KCNH8: variants seen among roughly 807,000 people sequenced by gnomAD.
The protein encoded by KCNH8 is potassium voltage-gated channel subfamily H member 8.
KCNH8 carries 70 observed loss-of-function variants against 103.6 expected under a neutral mutation model. The observed-to-expected ratio is 0.68, with a 90% CI of 0.56 to 0.82. KCNH8 has a LOEUF of 0.82. Ranked by LOEUF, KCNH8 falls within the 40% of genes least tolerant of loss-of-function variation. KCNH8 has a pLI of 0.00. For synonymous variants in KCNH8, 498 were observed against 489.4 expected (o/e 1.02, Z -0.23); for missense variants, 1,217 against 1,329.9 (o/e 0.92, Z 1.32).
At chr3:19,472,630 G>T (rs180792701) in intron 11 of KCNH8, among the ~76,000 whole-genome samples, 49 of 152,218 alleles carry the variant, frequency 3.2e-4, no homozygotes, top group Admixed American at 1.8e-3. Flanking sequence ...TTTGTAAGTT[G>T]CCCAGTCTCA....
At chr3:19,151,299 A>G (rs769411454) in intron 1 of KCNH8, among the ~76,000 whole-genome samples, 1 of 152,200 alleles carries the variant, frequency 6.6e-6, no homozygotes, top group Non-Finnish European at 1.5e-5. Flanking sequence ...TTTTAAATTT[A>G]CAAAATTGCC....
At chr3:19,463,800 G>T (rs1040262717) in intron 11 of KCNH8, among the ~76,000 whole-genome samples, 1 of 152,030 alleles carries the variant, frequency 6.6e-6, no homozygotes, top group Non-Finnish European at 1.5e-5. Context: ...GTTCATTGTA[G>T]CTCTGCTTAT....
chr3:19,474,012 T>C (rs528668385), intron 11 of KCNH8, among the ~76,000 whole-genome samples: 1 of 152,146 alleles, frequency 6.6e-6, no homozygotes, highest in East Asian at 1.9e-4. Flanking sequence ...ATTTCACTGT[T>C]TGAGGCTGTG....
chr3:19,232,826 C>T (rs1351315026), intron 1 of KCNH8, among the ~76,000 whole-genome samples: 1 of 152,150 alleles, frequency 6.6e-6, no homozygotes, highest in Admixed American at 6.5e-5. Context: ...CGTGTAGCTA[C>T]AGGTCTCAGA....
chr3:19,201,529 G>A (rs943090379), intron 1 of KCNH8, among the ~76,000 whole-genome samples: 10 of 152,162 alleles, frequency 6.6e-5, no homozygotes, highest in African/African-American at 1.7e-4. Context: ...GTGACAGAGT[G>A]GGGGAACTTG....
At chr3:19,501,663 CA>C (rs1160068754) in intron 11 of KCNH8, among the ~76,000 whole-genome samples, 1 of 152,066 alleles carries the variant, frequency 6.6e-6, no homozygotes, top group Non-Finnish European at 1.5e-5. Flanking sequence ...TAAACAGAAC[CA>C]AAGACAAAAA....
intron 2 of KCNH8, among the ~76,000 whole-genome samples, chr3:19,256,478 G>A (rs1330515466): frequency 2.0e-5 from 3 of 152,230 alleles, no homozygotes; most frequent in Non-Finnish European, 4.4e-5. Flanking sequence ...TGCTGAGAAT[G>A]CAGACTGGCA....
chr3:19,220,045 G>A (rs11919491), intron 1 of KCNH8, among the ~76,000 whole-genome samples: 1,528 of 152,186 alleles, frequency 0.01, 28 homozygotes, highest in African/African-American at 0.034. Flanking sequence ...TGGTTCTCTC[G>A]TAGCCAATGT....
At chr3:19,191,175 TC>T (rs1378822250) in intron 1 of KCNH8, among the ~76,000 whole-genome samples, 1 of 151,798 alleles carries the variant, frequency 6.6e-6, no homozygotes, top group Non-Finnish European at 1.5e-5. Flanking sequence ...TGTGTGTACT[TC>T]CACAAGATAG....
rs948070235 is a variant in KCNH8 at position 19,359,030 on chromosome 3, C to G, written c.811+11065C>G. Reference sequence around the variant, plus strand: ...AAGATGAAAAATAACAGCAGTAAATCAAGATATATGACAAATATTCAAATG... The same window carrying G: ...AAGATGAAAAATAACAGCAGTAAATGAAGATATATGACAAATATTCAAATG... On this transcript the variant is annotated intron_variant, in intron 5 of 15. Transcript: ENST00000328405. Among the ~76,000 whole-genome samples, 6 of 151,742 alleles carry G rather than the reference C, an allele frequency of 4.0e-5. No individual in the cohort carries two copies. In the East Asian group the frequency reaches 1.2e-3, roughly 29 times the overall value.
intron 5 of KCNH8, among the ~76,000 whole-genome samples, chr3:19,371,026 T>G (rs1490234092): frequency 6.6e-6 from 1 of 152,284 alleles, no homozygotes; most frequent in Non-Finnish European, 1.5e-5. Context: ...ACATTTGGGT[T>G]GGTTCCAAGT....
At chr3:19,246,538 G>T (rs2064209345) in intron 1 of KCNH8, among the ~76,000 whole-genome samples, 1 of 152,006 alleles carries the variant, frequency 6.6e-6, no homozygotes, top group Non-Finnish European at 1.5e-5. Flanking sequence ...GCCTCCCAAA[G>T]TGCTGGGATT....
At chr3:19,502,772 C>G (rs1443904766) in intron 11 of KCNH8, among the ~76,000 whole-genome samples, 18 of 148,184 alleles carry the variant, frequency 1.2e-4, no homozygotes, top group African/African-American at 4.0e-4. Context: ...ATACAAAAAT[C>G]AATTCAAGAT....
In KCNH8 at chr3:19,277,998, A is replaced by G. The variant is rs1463232085; in HGVS notation, c.311-3200A>G. On this transcript the variant is annotated intron_variant, in intron 2 of 15. Coordinates refer to ENST00000328405, the MANE Select transcript of KCNH8 (RefSeq NM_144633.3). ...ACTTGCAGCCTCCCACCTTAACCCTAAGAGAGATTTGTTGCACTGGGCCTG... is the reference window on the plus strand; with the variant it reads ...ACTTGCAGCCTCCCACCTTAACCCTGAGAGAGATTTGTTGCACTGGGCCTG... Among the ~76,000 whole-genome samples, 3 of 152,084 alleles carry G rather than the reference A, an allele frequency of 2.0e-5. No individual in the cohort carries two copies. The East Asian group carries it at 5.8e-4, about 29-fold the overall frequency.
chr3:19,488,361 G>T (rs567086078), intron 11 of KCNH8, among the ~76,000 whole-genome samples: 2 of 152,182 alleles, frequency 1.3e-5, no homozygotes, highest in African/African-American at 2.4e-5. Context: ...TTTCTCAGCG[G>T]CTTGTTGCAT....
At chr3:19,532,249 T>C (rs1329463322) in intron 15 of KCNH8, among the ~76,000 whole-genome samples, 14 of 152,206 alleles carry the variant, frequency 9.2e-5, no homozygotes, top group Non-Finnish European at 2.1e-4. Context: ...ATGTCTCACC[T>C]AGAAAACTGA....
At chr3:19,530,910 C>G (rs2069149009) in intron 15 of KCNH8, among the ~76,000 whole-genome samples, 1 of 152,178 alleles carries the variant, frequency 6.6e-6, no homozygotes, top group African/African-American at 2.4e-5. Flanking sequence ...AGTCTTATTG[C>G]TCCCATTTTA....
At chr3:19,461,370 C>A (rs1575092748) in intron 11 of KCNH8, among the ~76,000 whole-genome samples, 1 of 152,124 alleles carries the variant, frequency 6.6e-6, no homozygotes, top group East Asian at 1.9e-4. Flanking sequence ...CTTGTGCACT[C>A]CCCAAGCATA....
chr3:19,400,231 C>CAAAAAAAAAAAAAAAAAAAA lies in KCNH8; in HGVS notation c.1177+4925_1177+4944dup, dbSNP rs11422314. On this transcript the variant is annotated intron_variant, in intron 7 of 15. Coordinates refer to ENST00000328405, the MANE Select transcript of KCNH8 (RefSeq NM_144633.3). ...CCCTACCAGATACGATGTTAGCCAG[C>CAAAAAAAAAAAAAAAAAAAA]AAAAAAAAAAAAAAAAAAAAAAAAG... 9.4e-5 allele frequency among the ~76,000 whole-genome samples: 5 copies of CAAAAAAAAAAAAAAAAAAAA among 53,108 alleles called. 1 individual carries two copies. The highest frequency in any genetic ancestry group is 1.7e-4 in the Non-Finnish European group (5 of 30,178). 34.8% of individuals were successfully genotyped at this position (53,108 alleles called of 152,430 possible).
Sources: gnomAD v4.1 joint callset for allele counts (sites outside exome capture counted in the v4.1 genomes callset) on GRCh38, gnomAD v4.1.1 for gene constraint, MANE v1.5 for transcripts, NCBI Gene and HGNC (gene_info 2026-07-23, HGNC 2026-07-21) for gene names.